Variants in ENO4 observed in about 807,000 individuals in gnomAD.
The protein encoded by ENO4 is enolase 4.
A neutral mutation model predicts 63.2 loss-of-function variants in ENO4; 53 were observed. That is an observed-to-expected ratio of 0.84 (90% CI 0.67 to 1.05). The LOEUF (loss-of-function observed/expected upper bound fraction) is 1.05. Ranked by LOEUF, ENO4 falls within the 50% of genes least tolerant of loss-of-function variation. ENO4 has a pLI of 0.00. For missense variants in ENO4, 719 were observed against 772.0 expected (o/e 0.93, Z 0.81); for synonymous variants, 266 against 283.8 (o/e 0.94, Z 0.63).
chr10:116,879,524 AAAG>A (rs1420255680), intron 12 of ENO4, among the ~76,000 whole-genome samples, 166 bp downstream of exon 12: 1 of 152,232 alleles, frequency 6.6e-6, no homozygotes, highest in Non-Finnish European at 1.5e-5. Context: ...GAACTTTTAA[AAAG>A]AAGAAAAATT....
intron 10 of ENO4, among the ~76,000 whole-genome samples, chr10:116,890,034 A>G (rs1239808791): frequency 6.6e-6 from 1 of 152,134 alleles, no homozygotes; most frequent in Non-Finnish European, 1.5e-5. Flanking sequence ...CCAAGAACCC[A>G]AGTTCTCACT....
intron 7 of ENO4, among the ~76,000 whole-genome samples, chr10:116,866,202 A>G (rs886747844): frequency 1.3e-5 from 2 of 152,246 alleles, no homozygotes; most frequent in African/African-American, 4.8e-5. Context: ...AATAGTGTGA[A>G]GCAGGGATCA....
chr10:116,855,658 C>T lies in ENO4; in HGVS notation c.201C>T (p.Thr67=), dbSNP rs1846239518. The T allele has an allele frequency of 6.5e-7, 1 of 1,536,276 alleles. No homozygotes were observed. The highest frequency in any genetic ancestry group is 8.7e-7 in the Non-Finnish European group (1 of 1,146,924). The change falls in exon 2 of 14, where the codon ACC becomes ACT. Residue 67 remains threonine, a synonymous_variant. Coordinates refer to ENST00000341276, the MANE Select transcript of ENO4 (RefSeq NM_001242699.2). The stretch of plus-strand genomic sequence containing the variant: ...TTTCTAAACTTGCAAAGCCTCCCAC[C>T]ATATGCAAAATAGTGGGGAAAGACG... ...NCFSKLAKPP[T]ICKIVGKDVL...
rs547881648 is a variant in ENO4, at chr10:116,887,989, ACT to A, written c.1194+8004_1194+8005del. On this transcript the variant is annotated intron_variant, in intron 10 of 10. Coordinates refer to the ENO4 transcript ENST00000369207. ...ACCCAAAGACCACACTGCTTTTTTC[ACT>A]TTCTGACCAGTACTGTAAGATCTGT... is the stretch of plus-strand genomic sequence containing the variant. Among the ~76,000 whole-genome samples the A allele has an allele frequency of 8.5e-3, 1,287 of 152,234 alleles. 4 individuals carry two copies. The highest frequency in any genetic ancestry group is 0.011 in the Admixed American group (172 of 15,308).
At chr10:116,897,617 G>A (rs1474219176) in intron 10 of ENO4, among the ~76,000 whole-genome samples, 1 of 152,202 alleles carries the variant, frequency 6.6e-6, no homozygotes, top group Non-Finnish European at 1.5e-5. Flanking sequence ...TGTAAGATAA[G>A]ATAGGAAAGG....
Position 116,879,360 on chromosome 10 carries a change from T to A in ENO4, c.1605+2T>A, listed in dbSNP as rs1287274572. 1 of 1,548,314 alleles carries A rather than the reference T, an allele frequency of 6.5e-7. No homozygotes were observed. Among genetic ancestry groups the A allele is most frequent in the Non-Finnish European group, 8.7e-7 (1 of 1,145,236 alleles). The stretch of plus-strand genomic sequence containing the variant: ...TCTGATGACAGCCTTGTCGATTTGG[T>A]AAGTGCTGAATGCTGGTCAACTGCC... On this transcript the variant is annotated splice_donor_variant, in intron 12 of 13. Transcript: ENST00000341276. LOFTEE classifies it high-confidence loss of function.
chr10:116,899,167 T>C (rs563141805), intron 10 of ENO4, among the ~76,000 whole-genome samples: 4 of 152,126 alleles, frequency 2.6e-5, no homozygotes, highest in African/African-American at 9.6e-5. Context: ...CTTACCCTCA[T>C]GGAGCTTACA....
chr10:116,900,287 ATG>A, intron 10 of ENO4: 2 of 497,812 alleles, frequency 4.0e-6, no homozygotes, highest in Non-Finnish European at 7.2e-6. Flanking sequence ...TTAAACTGGA[ATG>A]TGTCTCTTAA....
intron 10 of ENO4, among the ~76,000 whole-genome samples, chr10:116,908,548 T>C (rs974951780): frequency 1.3e-5 from 2 of 152,222 alleles, no homozygotes; most frequent in Non-Finnish European, 2.9e-5. Context: ...CTATCATTTG[T>C]AAACAGATAT....
chr10:116,878,895 C>T (rs1280682404), intron 11 of ENO4, among the ~76,000 whole-genome samples: 1 of 151,962 alleles, frequency 6.6e-6, no homozygotes, highest in African/African-American at 2.4e-5. Flanking sequence ...AGGTGCCTAC[C>T]ACCACGCCCG....
intron 7 of ENO4, among the ~76,000 whole-genome samples, chr10:116,863,445 T>C (rs1217499537): frequency 6.6e-6 from 1 of 152,102 alleles, no homozygotes; most frequent in Non-Finnish European, 1.5e-5. Context: ...GTTAATGATA[T>C]ATTACATGGT....
intron 10 of ENO4, among the ~76,000 whole-genome samples, chr10:116,908,164 G>A (rs1019391716): frequency 3.3e-5 from 5 of 152,102 alleles, no homozygotes; most frequent in African/African-American, 1.2e-4. Flanking sequence ...ACAAGATTAG[G>A]AGATTATATT....
Position 116,871,292 on chromosome 10 carries a change from C to T in ENO4, c.1215C>T (p.Tyr405=), listed in dbSNP as rs578109845. The T allele has an allele frequency of 4.6e-5, 71 of 1,548,704 alleles. No homozygotes were observed. Among genetic ancestry groups the T allele is most frequent in the African/African-American group, 4.4e-4 (32 of 73,114 alleles). ...GTGCTGGACATGAGCTGATGGACTA[C>T]GTAAGTTTCCACTTCAGAACATTCA... The part of the protein sequence containing the change: ...INCAGHELMD[Y]NKGKYEVIMG... Residue 405 remains tyrosine (Y), a splice_region_variant and synonymous_variant, in exon 9 of 14, where the codon TAC becomes TAT. Transcript: ENST00000341276.
chr10:116,883,788 T>C (rs1847087691), downstream of ENO4: 1 of 164,366 alleles, frequency 6.1e-6, no homozygotes, highest in African/African-American at 2.4e-5. Flanking sequence ...CTAATAGCCC[T>C]GTTGATGCCT....
intron 11 of ENO4, among the ~76,000 whole-genome samples, chr10:116,878,924 T>C (rs966202644): frequency 1.3e-5 from 2 of 151,928 alleles, no homozygotes; most frequent in African/African-American, 4.8e-5. Flanking sequence ...TTTGTATTTT[T>C]AGTAGAGACG....
intron 10 of ENO4, among the ~76,000 whole-genome samples, chr10:116,910,026 AAC>A (rs1848128157): frequency 6.6e-6 from 1 of 152,164 alleles, no homozygotes; most frequent in Admixed American, 6.5e-5. Flanking sequence ...CAATAATCCT[AAC>A]AGTCTGAACT....
chr10:116,911,395 A>G (rs1328157563), intron 10 of ENO4: 1 of 1,446,796 alleles, frequency 6.9e-7, no homozygotes, highest in Non-Finnish European at 9.2e-7. Context: ...GGAGGAATTT[A>G]GCTTCACATT....
rs1465218031 is a variant in ENO4 at position 116,859,151 on chromosome 10, C to A, written c.634+13C>A. On this transcript the variant is annotated intron_variant, in intron 4 of 13. Coordinates refer to ENST00000341276, the MANE Select transcript of ENO4 (RefSeq NM_001242699.2). ...GGGCAAAAGCCAGGTTGGTTGGTGACTTATCTTGCAGAGTCGTTAGTAACA... is the reference window on the plus strand; with the variant it reads ...GGGCAAAAGCCAGGTTGGTTGGTGAATTATCTTGCAGAGTCGTTAGTAACA... 2 of 1,523,368 alleles carry A rather than the reference C, an allele frequency of 1.3e-6. No homozygotes were observed. The highest frequency in any genetic ancestry group is 2.8e-5 in the African/African-American group (2 of 72,472). 94.4% of individuals were successfully genotyped at this position (1,523,368 alleles called of 1,614,324 possible).
At chr10:116,894,057 T>G (rs1316544033) in intron 10 of ENO4, among the ~76,000 whole-genome samples, 2 of 152,208 alleles carry the variant, frequency 1.3e-5, no homozygotes, top group Non-Finnish European at 2.9e-5. Context: ...CAATCTTACT[T>G]TTAATTCAAA....
Sources: allele counts gnomAD v4.1 joint callset (sites outside exome capture counted in the v4.1 genomes callset), GRCh38; gene constraint gnomAD v4.1.1; transcripts MANE v1.5; gene names NCBI Gene and HGNC (gene_info 2026-07-23, HGNC 2026-07-21).